Variants in RTKN2 observed in about 807,000 individuals in gnomAD.
The protein encoded by RTKN2 is rhotekin-2.
A neutral mutation model predicts 71.5 loss-of-function variants in RTKN2; 69 were observed. The ratio of observed to expected loss-of-function variants is 0.96; its 90% confidence interval spans 0.79 to 1.18. The LOEUF is 1.18. Ranked by LOEUF, RTKN2 falls within the 50% of genes most tolerant of loss-of-function variation. The pLI, the probability that RTKN2 is intolerant of heterozygous loss-of-function variation, is 0.00. For synonymous variants in RTKN2, 236 were observed against 236.5 expected (o/e 1.00, Z 0.02); for missense variants, 724 against 719.7 (o/e 1.01, Z -0.07).
intron 7 of RTKN2, 142 bp from the exon 8 acceptor site, chr10:62,218,443 T>C: frequency 3.5e-6 from 2 of 568,898 alleles, no homozygotes; most frequent in East Asian, 2.9e-5. Flanking sequence ...CATGTAAAGA[T>C]TCATCCTACC....
downstream of RTKN2, among the ~76,000 whole-genome samples, chr10:62,189,270 C>G (rs553481862): frequency 6.6e-6 from 1 of 151,910 alleles, no homozygotes; most frequent in African/African-American, 2.4e-5. Context: ...CTAGTTGCAA[C>G]GATAAAAAAT....
At chr10:62,221,093 A>C (rs1409290861) in intron 7 of RTKN2, among the ~76,000 whole-genome samples, 1 of 151,590 alleles carries the variant, frequency 6.6e-6, no homozygotes, top group Non-Finnish European at 1.5e-5. Flanking sequence ...GTGCACAGAA[A>C]CATGTAGGTA....
rs767260927 is a variant in RTKN2, at chr10:62,198,433, T to C, written c.1305A>G (p.Ser435=). 5 of 1,481,872 alleles carry C rather than the reference T, an allele frequency of 3.4e-6. No individual in the cohort carries two copies. The African/African-American group carries it at 5.7e-5, about 17-fold the overall frequency. The allele number at this position is 1,481,872 out of a possible 1,614,324, so 91.8% of individuals were successfully genotyped here. ...CCGTTAAACTTTCAAGTTTCATAGG[T>C]GAATCAATGCCTATAATAATTTTAA... ...TSVYHDMSID[S]PMKLESLTDI... is the part of the protein sequence containing the mutation. The change falls in exon 12 of 12, where the codon TCA becomes TCG. Residue 435 remains serine, a synonymous_variant. Coordinates refer to ENST00000373789, the MANE Select transcript of RTKN2 (RefSeq NM_145307.4).
Position 62,196,662 on chromosome 10 carries a change from T to C in RTKN2, c.*1246A>G. On this transcript the variant is annotated 3_prime_UTR_variant, in exon 12 of 12. Transcript: ENST00000373789. ...CAGGGCAGCAATTTAATTCTTAAAT[T>C]TTTATTTCTTGCAATGACATTTAGG... 6 of 985,180 alleles carry C rather than the reference T, an allele frequency of 6.1e-6. No individual in the cohort carries two copies. Among genetic ancestry groups the C allele is most frequent in the Non-Finnish European group, 7.2e-6 (6 of 829,694 alleles). 61.0% of individuals were successfully genotyped at this position (985,180 alleles called of 1,614,324 possible). A position where few individuals can be genotyped will look rare whatever the true frequency, so the allele number is the denominator to read the frequency against.
chr10:62,207,328 T>C (rs1167191624), intron 9 of RTKN2, among the ~76,000 whole-genome samples: 2 of 152,090 alleles, frequency 1.3e-5, no homozygotes, highest in African/African-American at 4.8e-5. Flanking sequence ...TATCACTACA[T>C]TTTTAAAACA....
At chr10:62,215,211 C>A in intron 9 of RTKN2, 2 of 544,784 alleles carry the variant, frequency 3.7e-6, no homozygotes, top group Non-Finnish European at 6.2e-6. Context: ...TTAGTAAAAG[C>A]CAAAGTAGAC....
intron 3 of RTKN2, among the ~76,000 whole-genome samples, chr10:62,243,854 C>CT (rs1430347064): frequency 1.3e-5 from 2 of 151,678 alleles, no homozygotes; most frequent in Non-Finnish European, 3.0e-5. Context: ...TCCCAGAAGT[C>CT]TGTCTATCAT....
At chr10:62,239,947 G>T (rs962733448) in intron 4 of RTKN2, among the ~76,000 whole-genome samples, 182 bp from the exon 5 acceptor site, 2 of 151,958 alleles carry the variant, frequency 1.3e-5, no homozygotes, top group Non-Finnish European at 2.9e-5. Context: ...TACTCAACTA[G>T]AACACAATTA....
At chr10:62,205,063 T>C in intron 9 of RTKN2, 41 bp from the exon 10 acceptor site, 3 of 1,492,336 alleles carry the variant, frequency 2.0e-6, no homozygotes, top group Non-Finnish European at 1.8e-6. Flanking sequence ...CATGAGAAAA[T>C]TTCTGTAATG....
chr10:62,210,726 T>C (rs964842955), intron 9 of RTKN2, among the ~76,000 whole-genome samples: 3 of 152,162 alleles, frequency 2.0e-5, no homozygotes, highest in Non-Finnish European at 4.4e-5. Flanking sequence ...AGCTGTAAGT[T>C]AAACCAACCA....
intron 2 of RTKN2, among the ~76,000 whole-genome samples, chr10:62,257,227 T>C (rs1842692049): frequency 6.6e-6 from 1 of 152,196 alleles, no homozygotes; most frequent in Admixed American, 6.5e-5. Flanking sequence ...GTGATATCAA[T>C]TCTATTTCAC....
intron 8 of RTKN2, chr10:62,184,391 A>C (rs1841101904): frequency 6.6e-7 from 1 of 1,519,000 alleles, no homozygotes; most frequent in Non-Finnish European, 8.9e-7. Context: ...TATTATTCTG[A>C]AAAACAAAAA....
At chr10:62,244,578 T>C (rs954664387) in intron 3 of RTKN2, among the ~76,000 whole-genome samples, 17 of 152,228 alleles carry the variant, frequency 1.1e-4, no homozygotes, top group Non-Finnish European at 2.4e-4. Context: ...TGACACTATA[T>C]TAGAAGCAAG....
intron 4 of RTKN2, among the ~76,000 whole-genome samples, 185 bp from the exon 5 acceptor site, chr10:62,239,950 C>T (rs1842339656): frequency 6.6e-6 from 1 of 152,044 alleles, no homozygotes; most frequent in Admixed American, 6.6e-5. Flanking sequence ...TCAACTAGAA[C>T]ACAATTAAAC....
chr10:62,237,344 G>C (rs140336437), intron 5 of RTKN2, among the ~76,000 whole-genome samples: 1 of 151,856 alleles, frequency 6.6e-6, no homozygotes, highest in African/African-American at 2.4e-5. Context: ...TAAGAATTTG[G>C]AATAAGTTTA....
chr10:62,220,404 G>C (rs2132906484), intron 7 of RTKN2, among the ~76,000 whole-genome samples: 1 of 152,246 alleles, frequency 6.6e-6, no homozygotes, highest in East Asian at 1.9e-4. Flanking sequence ...TGAAAATTCT[G>C]TAAAAGCATG....
chr10:62,245,534 G>A (rs1484149017), intron 3 of RTKN2, among the ~76,000 whole-genome samples: 5 of 152,168 alleles, frequency 3.3e-5, no homozygotes, highest in African/African-American at 1.2e-4. Context: ...AAGAGTCACT[G>A]AGCAATTACT....
Position 62,268,576 on chromosome 10 carries a change from C to T in RTKN2, c.35G>A (p.Arg12His). ...CTGCTGGGTGGGAAGCCCCGCCAGGCGGAGCGCAGGACCCCTCAGGCTCGG... is the reference window on the plus strand; with the variant it reads ...CTGCTGGGTGGGAAGCCCCGCCAGGTGGAGCGCAGGACCCCTCAGGCTCGG... ...EGPSLRGPALRLAGLPTQQDC... is the reference protein window; with the variant it reads ...EGPSLRGPALHLAGLPTQQDC... Residue 12 changes from arginine (R) to histidine (H), a missense_variant, in exon 1 of 12, where the codon CGC becomes CAC. Arg to His is a conservative substitution (Grantham distance 29). Coordinates refer to ENST00000373789, the MANE Select transcript of RTKN2 (RefSeq NM_145307.4). 6.4e-7 allele frequency: 1 copy of T among 1,566,206 alleles called. No homozygotes were observed. The highest frequency in any genetic ancestry group is 8.7e-7 in the Non-Finnish European group (1 of 1,155,242).
At chr10:62,192,040 T>C (rs1841230849), downstream of RTKN2, among the ~76,000 whole-genome samples, 1 of 143,332 alleles carries the variant, frequency 7.0e-6, no homozygotes, top group Admixed American at 6.8e-5. Flanking sequence ...CACAACTATA[T>C]TATAAGGTTT....
Sources: allele counts gnomAD v4.1 joint callset (sites outside exome capture counted in the v4.1 genomes callset), GRCh38; gene constraint gnomAD v4.1.1; transcripts MANE v1.5; gene names NCBI Gene and HGNC (gene_info 2026-07-23, HGNC 2026-07-21).